The following SLC2A13 variants were observed in gnomAD, a reference collection of about 807,000 sequenced individuals.
SLC2A13 encodes proton myo-inositol cotransporter.
SLC2A13 carries 32 observed loss-of-function variants against 64.4 expected under a neutral mutation model. That is an observed-to-expected ratio of 0.50 (90% CI 0.37 to 0.67). SLC2A13 has a LOEUF of 0.67. Among genes scored for constraint, SLC2A13 ranks in the 30% least tolerant of loss-of-function variants. The probability of loss-of-function intolerance (pLI) is 0.00; values close to 1 mark genes in which losing one functional copy is unlikely to be tolerated. For missense variants in SLC2A13, 743 were observed against 829.2 expected (o/e 0.90, Z 1.28); for synonymous variants, 338 against 327.1 (o/e 1.03, Z -0.36).
chr12:40,029,987 T>C (rs1947879194), intron 2 of SLC2A13, among the ~76,000 whole-genome samples: 2 of 152,222 alleles, frequency 1.3e-5, no homozygotes, highest in African/African-American at 4.8e-5. Flanking sequence ...TGCTTAATAT[T>C]ATTTAACTTT....
chr12:39,763,083 G>A (rs755276223), intron 9 of SLC2A13, among the ~76,000 whole-genome samples: 2 of 151,948 alleles, frequency 1.3e-5, no homozygotes, highest in African/African-American at 2.4e-5. Context: ...GTGTTCTCTA[G>A]AATCAGTAAA....
intron 3 of SLC2A13, among the ~76,000 whole-genome samples, chr12:39,978,317 G>A (rs1050965945): frequency 3.9e-5 from 6 of 152,250 alleles, no homozygotes; most frequent in Middle Eastern, 3.4e-3. Context: ...CTTGACTCTC[G>A]AGCCAAGATG....
chr12:40,091,841 T>C (rs983456876), intron 1 of SLC2A13, among the ~76,000 whole-genome samples: 6 of 152,232 alleles, frequency 3.9e-5, no homozygotes, highest in Non-Finnish European at 5.9e-5. Context: ...AAAATTCACA[T>C]TAATTACTAC....
At chr12:40,032,321 C>A (rs771076587) in intron 2 of SLC2A13, among the ~76,000 whole-genome samples, 13 of 152,222 alleles carry the variant, frequency 8.5e-5, no homozygotes, top group Non-Finnish European at 1.9e-4. Context: ...CACAGTCAAG[C>A]AGACATGCCA....
intron 1 of SLC2A13, among the ~76,000 whole-genome samples, chr12:40,097,090 T>C (rs534660203): frequency 1.4e-3 from 217 of 152,270 alleles, no homozygotes; most frequent in Middle Eastern, 3.4e-3. Context: ...CCAATGTTCC[T>C]ACTTACTGAG....
chr12:39,921,224 G>A (rs988372357), intron 4 of SLC2A13, among the ~76,000 whole-genome samples: 9 of 152,054 alleles, frequency 5.9e-5, no homozygotes, highest in African/African-American at 2.2e-4. Context: ...TTTGCTTTGG[G>A]AGATTTGTTG....
At chr12:39,814,553 A>G (rs994666156) in intron 7 of SLC2A13, among the ~76,000 whole-genome samples, 1 of 152,188 alleles carries the variant, frequency 6.6e-6, no homozygotes, top group East Asian at 1.9e-4. Flanking sequence ...AAACTGAAGA[A>G]TGCTTTGGTA....
intron 2 of SLC2A13, among the ~76,000 whole-genome samples, chr12:40,031,685 G>A (rs1041240858): frequency 5.3e-5 from 8 of 152,104 alleles, no homozygotes; most frequent in Admixed American, 1.3e-4. Flanking sequence ...TGTTTGTTCT[G>A]GCTGTATCAC....
At chr12:40,082,317 C>T (rs1319846429) in intron 1 of SLC2A13, among the ~76,000 whole-genome samples, 2 of 152,240 alleles carry the variant, frequency 1.3e-5, no homozygotes, top group African/African-American at 4.8e-5. Flanking sequence ...CAAATTTTGA[C>T]TTCCCTACCC....
chr12:39,823,051 C>A (rs1344970709), intron 7 of SLC2A13, among the ~76,000 whole-genome samples: 2 of 152,136 alleles, frequency 1.3e-5, no homozygotes, highest in Non-Finnish European at 2.9e-5. Flanking sequence ...AAGTAACAGC[C>A]TAGAGGCATG....
rs187955496 is a variant in SLC2A13, at chr12:39,902,030, A to C, written c.1035-30069T>G. ...TGCAGCCAGAAAAAAGGATGAGTTC[A>C]TGTCCTTTGTAGGGACATGGATGAA... On this transcript the variant is annotated intron_variant, in intron 4 of 9. Coordinates refer to ENST00000280871, the MANE Select transcript of SLC2A13 (RefSeq NM_052885.4). Among the ~76,000 whole-genome samples, 236 of 152,228 alleles carry C rather than the reference A, an allele frequency of 1.6e-3. 2 individuals are homozygous for C. The highest frequency in any genetic ancestry group is 5.3e-3 in the African/African-American group (220 of 41,528).
At position 39,864,951 on chromosome 12, in the gene SLC2A13, A is replaced by G. The variant is rs561614901; in HGVS notation, c.1199-69T>C. The G allele has an allele frequency of 1.4e-5, 20 of 1,416,234 alleles. 1 individual carries two copies. The South Asian group carries it at 2.7e-4, about 19-fold the overall frequency. 87.7% of individuals were successfully genotyped at this position (1,416,234 alleles called of 1,614,324 possible). ...TGTTTTAAGGCAGACTGGGTTTGGT[A>G]AAAACAAACCAAAAAACAAAGAAAC... On this transcript the variant is annotated intron_variant, in intron 5 of 9. Transcript: ENST00000280871.
At chr12:40,062,221 G>A (rs1381227645) in intron 1 of SLC2A13, among the ~76,000 whole-genome samples, 1 of 152,102 alleles carries the variant, frequency 6.6e-6, no homozygotes, top group East Asian at 1.9e-4. Context: ...TAAGAGATCA[G>A]ATAGGTGGTC....
chr12:39,832,736 TC>T (rs62957760), intron 6 of SLC2A13, among the ~76,000 whole-genome samples: 2,292 of 152,080 alleles, frequency 0.015, 26 homozygotes, highest in Middle Eastern at 0.024. Context: ...TTTTCTCCTT[TC>T]TTTAGCTTAC....
At chr12:39,949,416 A>G (rs2136098560) in intron 4 of SLC2A13, 1 of 152,348 alleles carries the variant, frequency 6.6e-6, no homozygotes. Flanking sequence ...TATGATAAGC[A>G]AAGTGCATCT....
chr12:40,099,051 C>T (rs1210042431), intron 1 of SLC2A13, among the ~76,000 whole-genome samples: 3 of 152,236 alleles, frequency 2.0e-5, no homozygotes, highest in Non-Finnish European at 2.9e-5. Context: ...CTGCAGACCG[C>T]ACCATTTCAA....
chr12:39,979,153 C>A (rs1398627083), intron 3 of SLC2A13, among the ~76,000 whole-genome samples: 1 of 148,604 alleles, frequency 6.7e-6, no homozygotes, highest in African/African-American at 2.5e-5. Flanking sequence ...AAAGGACATC[C>A]ACACCAAAAA....
At chr12:39,824,326 A>G (rs1014262551) in intron 7 of SLC2A13, among the ~76,000 whole-genome samples, 1 of 152,206 alleles carries the variant, frequency 6.6e-6, no homozygotes, top group Non-Finnish European at 1.5e-5. Context: ...GATATTGAAC[A>G]TCAGCAGTTT....
intron 4 of SLC2A13, among the ~76,000 whole-genome samples, chr12:39,907,374 A>G (rs1425195755): frequency 6.6e-6 from 1 of 152,144 alleles, no homozygotes; most frequent in Non-Finnish European, 1.5e-5. Context: ...GAAAGAGAAA[A>G]TATTTTTTGA....
Sources: gnomAD v4.1 joint callset for allele counts (sites outside exome capture counted in the v4.1 genomes callset) on GRCh38, gnomAD v4.1.1 for gene constraint, MANE v1.5 for transcripts, NCBI Gene and HGNC (gene_info 2026-07-23, HGNC 2026-07-21) for gene names.